The following CHN2 variants were observed in gnomAD, a reference collection of about 807,000 sequenced individuals.
CHN2 encodes the protein chimerin 2, also known as beta-chimaerin.
Under a neutral mutation model 56.3 loss-of-function variants are expected in CHN2, and 35 were observed. The ratio of observed to expected loss-of-function variants is 0.62; its 90% CI spans 0.47 to 0.82. The LOEUF (loss-of-function observed/expected upper bound fraction) is 0.82. Among genes scored for constraint, CHN2 ranks in the 40% least tolerant of loss-of-function variants. CHN2 has a pLI of 0.00. For missense variants in CHN2, 491 were observed against 580.5 expected (o/e 0.85, Z 1.58); for synonymous variants, 210 against 212.8 (o/e 0.99, Z 0.12).
At chr7:29,148,155 C>G (rs1409184620) in intron 2 of CHN2, among the ~76,000 whole-genome samples, 1 of 152,216 alleles carries the variant, frequency 6.6e-6, no homozygotes. Flanking sequence ...ACCCTTGAAG[C>G]AGGCTCAGTG....
At chr7:29,233,603 G>A (rs1314340128) in intron 1 of CHN2, among the ~76,000 whole-genome samples, 1 of 152,064 alleles carries the variant, frequency 6.6e-6, no homozygotes, top group Admixed American at 6.6e-5. Context: ...CTTCCTGTGG[G>A]TCTGATGTAT....
intron 6 of CHN2, among the ~76,000 whole-genome samples, chr7:29,415,759 G>T (rs1025519444): frequency 6.6e-6 from 1 of 152,166 alleles, no homozygotes; most frequent in Admixed American, 6.5e-5. Flanking sequence ...TTGGTGGCAG[G>T]GTAGAGGATG....
intron 1 of CHN2, among the ~76,000 whole-genome samples, chr7:29,329,162 G>A (rs1220764174): frequency 1.3e-5 from 2 of 151,864 alleles, no homozygotes; most frequent in East Asian, 1.9e-4. Context: ...GGAAAAGGAG[G>A]AGGAAAAAGA....
chr7:29,325,851 G>A (rs1349731394), intron 1 of CHN2, among the ~76,000 whole-genome samples: 2 of 152,178 alleles, frequency 1.3e-5, no homozygotes, highest in Non-Finnish European at 2.9e-5. Flanking sequence ...TGCAGGAACT[G>A]AAGTAAGAGA....
chr7:29,294,639 ACT>A (rs1792974191), intron 1 of CHN2, among the ~76,000 whole-genome samples: 1 of 151,980 alleles, frequency 6.6e-6, no homozygotes, highest in Non-Finnish European at 1.5e-5. Flanking sequence ...GACCTGAGAG[ACT>A]CTGCTCAAAA....
intron 6 of CHN2, among the ~76,000 whole-genome samples, chr7:29,423,568 G>A (rs999747905): frequency 1.1e-4 from 16 of 152,166 alleles, no homozygotes; most frequent in Non-Finnish European, 2.1e-4. Context: ...CAGAAAACCT[G>A]GCCAGCAACG....
chr7:29,510,213 T>G (rs1380223229), intron 12 of CHN2, among the ~76,000 whole-genome samples: 2 of 152,144 alleles, frequency 1.3e-5, no homozygotes, highest in African/African-American at 2.4e-5. Flanking sequence ...ATTTATTATC[T>G]CATAGTTTCT....
At chr7:29,347,149 G>A (rs867515361) in intron 1 of CHN2, among the ~76,000 whole-genome samples, 2 of 152,168 alleles carry the variant, frequency 1.3e-5, no homozygotes, top group South Asian at 4.1e-4. Flanking sequence ...CCCAGTGTTG[G>A]TGAGAGAGGG....
At chr7:29,207,649 T>C (rs777936126) in intron 1 of CHN2, among the ~76,000 whole-genome samples, 36 of 152,326 alleles carry the variant, frequency 2.4e-4, no homozygotes, top group Non-Finnish European at 8.8e-5. Context: ...GTTTCTCTAC[T>C]GTGTGCCTGA....
chr7:29,257,266 C>G (rs1268943215), intron 1 of CHN2, among the ~76,000 whole-genome samples: 3 of 152,216 alleles, frequency 2.0e-5, no homozygotes, highest in Non-Finnish European at 2.9e-5. Flanking sequence ...TTCCATTTGG[C>G]TTGGTCACAC....
intron 3 of CHN2, among the ~76,000 whole-genome samples, chr7:29,370,952 T>G (rs2128044408): frequency 6.6e-6 from 1 of 152,342 alleles, no homozygotes; most frequent in East Asian, 1.9e-4. Flanking sequence ...GCTCCACCAC[T>G]TTCTAGCTAC....
chr7:29,336,369 C>T (rs539036501), intron 1 of CHN2, among the ~76,000 whole-genome samples: 2 of 152,160 alleles, frequency 1.3e-5, no homozygotes, highest in East Asian at 1.9e-4. Context: ...CCCAGCACTT[C>T]GGGAGTCAAG....
chr7:29,263,752 C>T (rs1789800563), intron 1 of CHN2, among the ~76,000 whole-genome samples: 1 of 151,076 alleles, frequency 6.6e-6, no homozygotes, highest in South Asian at 2.1e-4. Flanking sequence ...GCCTCTGCCC[C>T]GCCGCCCCAT....
At chr7:29,276,491 G>A (rs1289061215) in intron 1 of CHN2, among the ~76,000 whole-genome samples, 9 of 152,164 alleles carry the variant, frequency 5.9e-5, no homozygotes, top group Non-Finnish European at 1.3e-4. Flanking sequence ...TTAAGTGGGG[G>A]CTCCTGGGAG....
intron 6 of CHN2, among the ~76,000 whole-genome samples, chr7:29,451,573 T>C (rs1784407542): frequency 7.6e-6 from 1 of 132,440 alleles, no homozygotes; most frequent in African/African-American, 3.5e-5. Context: ...ACAAATTTAT[T>C]AATTAATCAC....
At chr7:29,367,292 A>G (rs1487829431) in intron 2 of CHN2, among the ~76,000 whole-genome samples, 1 of 152,212 alleles carries the variant, frequency 6.6e-6, no homozygotes, top group Non-Finnish European at 1.5e-5. Context: ...AAATTAGGTT[A>G]GGAAGGAGTT....
intron 1 of CHN2, among the ~76,000 whole-genome samples, chr7:29,206,089 G>A (rs571392317): frequency 6.6e-6 from 1 of 152,174 alleles, no homozygotes; most frequent in African/African-American, 2.4e-5. Context: ...GGCTTCACAA[G>A]GGCAGCTATT....
chr7:29,259,065 T>C (rs559873999), intron 1 of CHN2, among the ~76,000 whole-genome samples: 1 of 150,314 alleles, frequency 6.7e-6, no homozygotes, highest in South Asian at 2.1e-4. Flanking sequence ...CAGTGGCTCA[T>C]GCCTGTAATC....
chr7:29,449,376 C>T (rs192313063), intron 6 of CHN2, among the ~76,000 whole-genome samples: 1 of 152,214 alleles, frequency 6.6e-6, no homozygotes, highest in East Asian at 1.9e-4. Flanking sequence ...TGGTGGGAGA[C>T]TAATAAGTCA....
Sources: allele counts gnomAD v4.1 joint callset (sites outside exome capture counted in the v4.1 genomes callset), GRCh38; gene constraint gnomAD v4.1.1; transcripts MANE v1.5; gene names NCBI Gene and HGNC (gene_info 2026-07-23, HGNC 2026-07-21).